Variants in ONECUT2 observed in about 807,000 individuals in gnomAD.
The protein encoded by ONECUT2 is one cut domain family member 2.
A neutral mutation model predicts 27.9 loss-of-function variants in ONECUT2; 10 were observed. The ratio of observed to expected loss-of-function variants is 0.36; its 90% CI spans 0.22 to 0.61. The LOEUF is 0.61. Ranked by LOEUF, ONECUT2 falls within the 20% of genes least tolerant of loss-of-function variation. ONECUT2 has a pLI of 0.73. For synonymous variants in ONECUT2, 334 were observed against 315.1 expected (o/e 1.06, Z -0.64); for missense variants, 686 against 721.0 (o/e 0.95, Z 0.56).
chr18:57,445,352 G>A (rs151210584), intron 1 of ONECUT2, among the ~76,000 whole-genome samples: 202 of 152,332 alleles, frequency 1.3e-3, no homozygotes, highest in African/African-American at 4.3e-3. Context: ...CAGAGTAGAC[G>A]CAATAGGAAT....
intron 1 of ONECUT2, among the ~76,000 whole-genome samples, chr18:57,441,991 C>G (rs1403404961): frequency 6.6e-6 from 1 of 152,112 alleles, no homozygotes; most frequent in Non-Finnish European, 1.5e-5. Flanking sequence ...CCTGGACGTC[C>G]TGGGCCGAGG....
chr18:57,456,192 TA>T (rs1451311983), intron 1 of ONECUT2, among the ~76,000 whole-genome samples: 3 of 152,192 alleles, frequency 2.0e-5, no homozygotes, highest in Non-Finnish European at 4.4e-5. Context: ...CTCAGAAATT[TA>T]AAATGTGAGT....
At chr18:57,444,454 G>T (rs952308541) in intron 1 of ONECUT2, 7 of 456,422 alleles carry the variant, frequency 1.5e-5, no homozygotes, top group Non-Finnish European at 2.6e-5. Flanking sequence ...TCCTTTTAAG[G>T]GTGATTGGCA....
rs2050449472 is a variant in ONECUT2 at position 57,488,543 on chromosome 18, T to A, written c.*11820T>A. The A allele has an allele frequency of 6.6e-6, 1 of 152,598 alleles. No homozygotes were observed. The highest frequency in any genetic ancestry group is 2.1e-4 in the South Asian group (1 of 4,832). The allele number at this position is 152,598 out of a possible 1,614,324, so 9.5% of individuals were successfully genotyped here. A position where few individuals can be genotyped will look rare whatever the true frequency, so the allele number is the denominator to read the frequency against. ...AAGACTTGTCTTATGAAACCCAAGGTATATTTTGTTATGCCATTTTATGTC... is the reference window on the plus strand; with the variant it reads ...AAGACTTGTCTTATGAAACCCAAGGAATATTTTGTTATGCCATTTTATGTC... On this transcript the variant is annotated 3_prime_UTR_variant, in exon 2 of 2. Transcript: ENST00000491143.
At chr18:57,447,700 A>G (rs1359871442) in intron 1 of ONECUT2, among the ~76,000 whole-genome samples, 1 of 152,146 alleles carries the variant, frequency 6.6e-6, no homozygotes, top group Non-Finnish European at 1.5e-5. Flanking sequence ...CCCCCCAGGT[A>G]TACACAAACG....
At chr18:57,441,439 C>T (rs2050173564) in intron 1 of ONECUT2, among the ~76,000 whole-genome samples, 1 of 152,200 alleles carries the variant, frequency 6.6e-6, no homozygotes, top group African/African-American at 2.4e-5. Flanking sequence ...TCCTCCCCCG[C>T]GAGGCCCCAG....
chr18:57,445,880 T>C (rs1334454932), intron 1 of ONECUT2, among the ~76,000 whole-genome samples: 1 of 152,268 alleles, frequency 6.6e-6, no homozygotes, highest in Non-Finnish European at 1.5e-5. Context: ...AGAAGAGTTT[T>C]CTCATTGGCT....
Position 57,477,005 on chromosome 18 carries a change from G to T in ONECUT2, c.*282G>T. 2.4e-6 allele frequency: 1 copy of T among 423,904 alleles called. No individual in the cohort carries two copies. Among genetic ancestry groups the T allele is most frequent in the Non-Finnish European group, 4.2e-6 (1 of 235,560 alleles). 26.3% of individuals were successfully genotyped at this position (423,904 alleles called of 1,614,324 possible). On this transcript the variant is annotated 3_prime_UTR_variant, in exon 2 of 2. Coordinates refer to ENST00000491143, the MANE Select transcript of ONECUT2 (RefSeq NM_004852.3). ...GCTAAGCATCCCAGAAACCCAAATG[G>T]GGCCTTCCTGGAGCGAGTTAATTCC...
At position 57,454,125 on chromosome 18, in the gene ONECUT2, C is replaced by A. The variant is rs1231903592; in HGVS notation, c.1228+17181C>A. Among the ~76,000 whole-genome samples, 3 of 152,128 alleles carry A rather than the reference C, an allele frequency of 2.0e-5. No homozygotes were observed. The East Asian group carries it at 5.8e-4, about 29-fold the overall frequency. ...ACATTTTTGAATTCATTATAACCTT[C>A]AAGGTCTGCCAAGGTCTTTAAGGTT... On this transcript the variant is annotated intron_variant, in intron 1 of 1. Transcript: ENST00000491143.
rs1267735400 is a variant in ONECUT2, at chr18:57,486,080, G to C, written c.*9357G>C. ...TTCCTACTGCCACACCCATACGAGA[G>C]AGGATCTAGAAAGAGCGATGGCAGC... On this transcript the variant is annotated 3_prime_UTR_variant, in exon 2 of 2. Transcript: ENST00000491143. 1 of 152,726 alleles carries C rather than the reference G, an allele frequency of 6.5e-6. No individual in the cohort carries two copies. The highest frequency in any genetic ancestry group is 1.5e-5 in the Non-Finnish European group (1 of 68,114). 9.5% of individuals were successfully genotyped at this position (152,726 alleles called of 1,614,324 possible).
rs2050415240 is a variant in ONECUT2, at chr18:57,481,374, C to T, written c.*4651C>T. 1 of 152,196 alleles carries T rather than the reference C, an allele frequency of 6.6e-6. No individual in the cohort carries two copies. Among genetic ancestry groups the T allele is most frequent in the South Asian group, 2.1e-4 (1 of 4,828 alleles). 9.4% of individuals were successfully genotyped at this position (152,196 alleles called of 1,614,324 possible). A position where few individuals can be genotyped will look rare whatever the true frequency, so the allele number is the denominator to read the frequency against. The stretch of plus-strand genomic sequence containing the variant: ...GGCTCTTGGCAATTGTAGGCTTTAG[C>T]AAATCCAGAATAATTTTCAATTCAA... On this transcript the variant is annotated 3_prime_UTR_variant, in exon 2 of 2. Transcript: ENST00000491143.
chr18:57,476,415 C>A, intron 1 of ONECUT2, 22 bp from the exon 2 acceptor site: 2 of 1,610,102 alleles, frequency 1.2e-6, no homozygotes, highest in Non-Finnish European at 1.7e-6. Flanking sequence ...TGACTCCTCT[C>A]CTTCTTCTCT....
rs1336630954 is a variant in ONECUT2 at position 57,477,407 on chromosome 18, T to A, written c.*684T>A. ...GCTTTAAGTTGATCCAGCTTACAAT[T>A]TTTTTTTTCTTTACCTCCTGGAAAT... On this transcript the variant is annotated 3_prime_UTR_variant, in exon 2 of 2. Coordinates refer to ENST00000491143, the MANE Select transcript of ONECUT2 (RefSeq NM_004852.3). 1.1e-5 allele frequency: 1 copy of A among 92,962 alleles called. No individual in the cohort carries two copies. The highest frequency in any genetic ancestry group is 4.6e-5 in the African/African-American group (1 of 21,676). The allele number at this position is 92,962 out of a possible 1,614,324, so 5.8% of individuals were successfully genotyped here.
chr18:57,447,690 C>A (rs569071352), intron 1 of ONECUT2, among the ~76,000 whole-genome samples: 1 of 152,240 alleles, frequency 6.6e-6, no homozygotes, highest in South Asian at 2.1e-4. Context: ...CCACGCCCCA[C>A]CCCCCAGGTA....
Position 57,462,063 on chromosome 18 carries a change from G to A in ONECUT2, c.1229-14374G>A, listed in dbSNP as rs13343285. Among the ~76,000 whole-genome samples the A allele has an allele frequency of 5.1e-3, 780 of 152,330 alleles. 7 individuals are homozygous for A. Among genetic ancestry groups the A allele is most frequent in the African/African-American group, 0.017 (701 of 41,566 alleles). ...CCACCAGCAGCCTAGGAGAACTCCC[G>A]CAAGGCTGTGTCCTTGCCAGCTCTT... On this transcript the variant is annotated intron_variant, in intron 1 of 1. Coordinates refer to ENST00000491143, the MANE Select transcript of ONECUT2 (RefSeq NM_004852.3).
chr18:57,444,303 A>G (rs1040586250), intron 1 of ONECUT2: 5 of 454,248 alleles, frequency 1.1e-5, no homozygotes, highest in African/African-American at 1.0e-4. Flanking sequence ...CAAATTCTAG[A>G]ATGTGGGCTT....
chr18:57,472,988 G>T (rs1297674583), intron 1 of ONECUT2, among the ~76,000 whole-genome samples: 1 of 152,214 alleles, frequency 6.6e-6, no homozygotes, highest in Non-Finnish European at 1.5e-5. Flanking sequence ...CCAGATGAAG[G>T]CTTGACACCA....
In ONECUT2 at chr18:57,475,377, C is replaced by T. The variant is rs146201214; in HGVS notation, c.1229-1060C>T. On this transcript the variant is annotated intron_variant, in intron 1 of 1. Transcript: ENST00000491143. ...GGCCATTTCAAGTGATTATAACACA[C>T]GTTCTCATGTTTTAGCATTATGATT... Among the ~76,000 whole-genome samples, 192 of 152,250 alleles carry T rather than the reference C, an allele frequency of 1.3e-3. 1 individual carries two copies. The highest frequency in any genetic ancestry group is 4.5e-3 in the African/African-American group (185 of 41,554).
At position 57,490,159 on chromosome 18, in the gene ONECUT2, C is replaced by T. The variant is rs988507652; in HGVS notation, c.*13436C>T. ...TTTCATTCTTTCTATTCAAATTTTT[C>T]CACCCAGACAATACTTTATTAACAC... On this transcript the variant is annotated 3_prime_UTR_variant, in exon 2 of 2. Transcript: ENST00000491143. 1 of 152,012 alleles carries T rather than the reference C, an allele frequency of 6.6e-6. No individual in the cohort carries two copies. The highest frequency in any genetic ancestry group is 2.4e-5 in the African/African-American group (1 of 41,396). 9.4% of individuals were successfully genotyped at this position (152,012 alleles called of 1,614,324 possible).
Sources: allele counts gnomAD v4.1 joint callset (sites outside exome capture counted in the v4.1 genomes callset), GRCh38; gene constraint gnomAD v4.1.1; transcripts MANE v1.5; gene names NCBI Gene and HGNC (gene_info 2026-07-23, HGNC 2026-07-21).